Variants in POLA1 observed in about 807,000 individuals in gnomAD.
POLA1 encodes the protein DNA polymerase alpha catalytic subunit.
POLA1 carries 15 observed loss-of-function variants against 124.0 expected under a neutral mutation model. That is an observed-to-expected ratio of 0.12 (90% CI 0.08 to 0.19). The LOEUF is 0.19. Among genes scored for constraint, POLA1 ranks in the 10% least tolerant of loss-of-function variants. The pLI is 1.00. For missense variants in POLA1, 886 were observed against 1,103.4 expected (o/e 0.80, Z 2.79); for synonymous variants, 408 against 389.4 (o/e 1.05, Z -0.56).
intron 36 of POLA1, among the ~76,000 whole-genome samples, chrX:24,947,285 T>G (rs1462557561): frequency 3.1e-5 from 2 of 65,216 alleles, no homozygotes; most frequent in Non-Finnish European, 5.4e-5. Flanking sequence ...TTTTTTTTTT[T>G]GAGACAGAGT....
At chrX:24,814,860 A>G in intron 29 of POLA1, 119 bp from the exon 30 acceptor site, 1 of 652,458 alleles carries the variant, frequency 1.5e-6, no homozygotes, top group South Asian at 3.7e-5. Flanking sequence ...CTCTTACTGT[A>G]GCTAATGTTA....
chrX:24,935,326 C>T lies in POLA1; in HGVS notation c.4261+4777C>T, dbSNP rs140993905. 8.0e-5 allele frequency among the ~76,000 whole-genome samples: 9 copies of T among 112,310 alleles called. No individual in the cohort carries two copies. The East Asian group carries it at 1.7e-3, about 21-fold the overall frequency. Reference sequence around the variant, plus strand: ...CTTAATAAATTCCTTTGAACACTGCCGGAATTGGAACACTAGGATGTAGAA... The same window carrying T: ...CTTAATAAATTCCTTTGAACACTGCTGGAATTGGAACACTAGGATGTAGAA... On this transcript the variant is annotated intron_variant, in intron 36 of 36. Transcript: ENST00000379068.
chrX:24,968,561 T>G (rs1437969232), intron 36 of POLA1, among the ~76,000 whole-genome samples: 38 of 109,495 alleles, frequency 3.5e-4, no homozygotes, highest in South Asian at 8.0e-4. Flanking sequence ...TAGCTGGGCG[T>G]GCGTGGTGGC....
intron 34 of POLA1, among the ~76,000 whole-genome samples, chrX:24,877,915 G>GTTTTTTTTT (rs5901765): frequency 1.0e-5 from 1 of 95,763 alleles, no homozygotes; most frequent in African/African-American, 3.8e-5. Flanking sequence ...GTTTTTTTTT[G>GTTTTTTTTT]TTTTTTTTTT....
chrX:24,971,097 A>C (rs989817983), intron 36 of POLA1, among the ~76,000 whole-genome samples: 2 of 112,527 alleles, frequency 1.8e-5, no homozygotes, highest in Non-Finnish European at 3.7e-5. Context: ...ATTAGTCCAG[A>C]AGGTTTGTGA....
chrX:24,755,047 G>A (rs1204215859), intron 26 of POLA1, among the ~76,000 whole-genome samples: 2 of 112,207 alleles, frequency 1.8e-5, no homozygotes, highest in African/African-American at 6.5e-5. Flanking sequence ...GAGTTTCTCT[G>A]GTATATTTCT....
At chrX:24,785,655 A>G (rs1482771916) in intron 26 of POLA1, among the ~76,000 whole-genome samples, 5 of 112,270 alleles carry the variant, frequency 4.5e-5, no homozygotes, top group Non-Finnish European at 9.4e-5. Flanking sequence ...GTTAAAGGGC[A>G]ACTGTTTTTT....
intron 31 of POLA1, among the ~76,000 whole-genome samples, chrX:24,824,882 ACT>A (rs778476551): frequency 9.0e-6 from 1 of 111,559 alleles, no homozygotes; most frequent in Admixed American, 9.5e-5. Flanking sequence ...TTAGAAAGTA[ACT>A]CTAATATTTT....
intron 29 of POLA1, 27 bp from the exon 30 acceptor site, chrX:24,814,952 G>C (rs369428101): frequency 9.2e-6 from 8 of 867,026 alleles, no homozygotes; most frequent in South Asian, 2.8e-5. Context: ...TGCTGTCTTT[G>C]TTTTGTTTTT....
intron 34 of POLA1, among the ~76,000 whole-genome samples, chrX:24,871,444 G>A (rs1385288711): frequency 8.9e-6 from 1 of 112,269 alleles, no homozygotes; most frequent in East Asian, 2.8e-4. Context: ...GGGAGCACTT[G>A]AATGAAAACA....
chrX:24,825,681 A>G (rs765277467), intron 31 of POLA1, among the ~76,000 whole-genome samples: 1 of 111,373 alleles, frequency 9.0e-6, no homozygotes, highest in Non-Finnish European at 1.9e-5. Flanking sequence ...TTTTATTTTT[A>G]TAGAGTAAAA....
At chrX:24,870,650 G>A (rs1278441205) in intron 34 of POLA1, among the ~76,000 whole-genome samples, 1 of 111,583 alleles carries the variant, frequency 9.0e-6, no homozygotes, top group Non-Finnish European at 1.9e-5. Context: ...AACATCAAAC[G>A]AGGAGCCAAA....
At chrX:24,824,818 A>G (rs2046146427) in intron 31 of POLA1, among the ~76,000 whole-genome samples, 2 of 111,678 alleles carry the variant, frequency 1.8e-5, no homozygotes, top group African/African-American at 3.3e-5. Flanking sequence ...ATGCTCAGAA[A>G]GTTTTCAACT....
At chrX:24,992,141 C>T (rs995046971) in intron 36 of POLA1, among the ~76,000 whole-genome samples, 1 of 111,653 alleles carries the variant, frequency 9.0e-6, no homozygotes, top group Non-Finnish European at 1.9e-5. Flanking sequence ...TTATATGGAT[C>T]GATATTCAGG....
intron 2 of POLA1, among the ~76,000 whole-genome samples, chrX:24,702,083 A>G (rs1378920682): frequency 1.1e-5 from 1 of 90,916 alleles, no homozygotes; most frequent in Admixed American, 1.3e-4. Flanking sequence ...TTTTTTTGAG[A>G]TGGAGACTCG....
chrX:24,970,618 AAAAATT>A (rs1231099657), intron 36 of POLA1, among the ~76,000 whole-genome samples: 1 of 111,879 alleles, frequency 8.9e-6, no homozygotes. Flanking sequence ...AAGGAAAAAA[AAAAATT>A]AAAAAGTGGG....
Position 24,716,917 on chromosome X carries a change from T to C in POLA1, c.652T>C (p.Ser218Pro), listed in dbSNP as rs1025698168. The C allele has an allele frequency of 1.5e-5, 18 of 1,200,577 alleles. No homozygotes were observed. Among genetic ancestry groups the C allele is most frequent in the Non-Finnish European group, 2.0e-5 (18 of 888,214 alleles). ...VPSGKIASPVSRKEPPLTPVP... is the reference protein window; with the variant it reads ...VPSGKIASPVPRKEPPLTPVP... Reference sequence around the variant, plus strand: ...TTCAGGAAAAATTGCTTCCCCTGTCTCCAGAAAGGAGCCTCCATTAACTCC... The same window carrying C: ...TTCAGGAAAAATTGCTTCCCCTGTCCCCAGAAAGGAGCCTCCATTAACTCC... Residue 218 changes from serine to proline, a missense_variant, in exon 8 of 37, where the codon TCC becomes CCC. Around this residue, in one of 7 missense-constraint regions of POLA1, gnomAD observed 337 missense variants for 402.8 expected, o/e 0.84. Coordinates refer to ENST00000379068, the MANE Select transcript of POLA1 (RefSeq NM_001330360.2).
chrX:24,949,993 A>G (rs993128364), intron 36 of POLA1, among the ~76,000 whole-genome samples: 6 of 111,109 alleles, frequency 5.4e-5, no homozygotes, highest in African/African-American at 1.3e-4. Context: ...CGGCCTCCCA[A>G]AGTGCTGGGA....
intron 32 of POLA1, among the ~76,000 whole-genome samples, chrX:24,831,109 T>C (rs2046254191): frequency 8.9e-6 from 1 of 111,843 alleles, no homozygotes; most frequent in African/African-American, 3.3e-5. Flanking sequence ...AAAAAAATGA[T>C]GCATACCACT....
Sources: allele counts gnomAD v4.1 joint callset (sites outside exome capture counted in the v4.1 genomes callset), GRCh38; gene constraint gnomAD v4.1.1; regional missense constraint gnomAD v4.1.1; transcripts MANE v1.5; gene names NCBI Gene and HGNC (gene_info 2026-07-23, HGNC 2026-07-21).